AHR: variants seen among roughly 807,000 people sequenced by gnomAD.
The protein encoded by AHR is AH-receptor.
AHR carries 40 observed loss-of-function variants against 86.8 expected under a neutral mutation model. The observed-to-expected ratio is 0.46, with a 90% confidence interval of 0.36 to 0.60. AHR has a LOEUF of 0.60. AHR is among the 20% of genes least tolerant of loss of function. The pLI, the probability that AHR is intolerant of heterozygous loss-of-function variation, is 0.00. For missense variants in AHR, 1,001 were observed against 1,011.6 expected, an observed-to-expected ratio of 0.99 and a Z score of 0.14; for synonymous variants, 398 against 354.9, an observed-to-expected ratio of 1.12 and a Z score of -1.37.
rs773764371 is a variant in AHR, at chr7:17,339,146, G to A, written c.1321G>A (p.Ala441Thr). The A allele has an allele frequency of 5.0e-6, 8 of 1,614,016 alleles. No individual in the cohort carries two copies. The highest frequency in any genetic ancestry group is 5.1e-6 in the Non-Finnish European group (6 of 1,180,024). Residue 441 changes from alanine to threonine, a missense_variant, in exon 10 of 11, where the codon GCT (alanine) becomes ACT (threonine). Coordinates refer to ENST00000242057, the MANE Select transcript of AHR (RefSeq NM_001621.5). ...AAATGGCACTAGTGGAAAAGACTCT[G>A]CTACCACATCCACTCTAAGCAAGGA... ...TKNGTSGKDS[A>T]TTSTLSKDSL...
At chr7:17,303,503 A>T (rs1251918667) in intron 1 of AHR, among the ~76,000 whole-genome samples, 1 of 151,866 alleles carries the variant, frequency 6.6e-6, no homozygotes, top group Non-Finnish European at 1.5e-5. Context: ...TCATCCCCAT[A>T]CTTGTGTTTT....
At chr7:17,314,909 T>G (rs1584032849) in intron 2 of AHR, among the ~76,000 whole-genome samples, 1 of 152,052 alleles carries the variant, frequency 6.6e-6, no homozygotes, top group Non-Finnish European at 1.5e-5. Flanking sequence ...GTAGGTTTGT[T>G]TGCATAACAG....
chr7:17,338,773 G>C (rs564297222), intron 9 of AHR, among the ~76,000 whole-genome samples: 1 of 152,056 alleles, frequency 6.6e-6, no homozygotes, highest in Admixed American at 6.5e-5. Flanking sequence ...AATTAACTAA[G>C]TTATTTTTTA....
chr7:17,305,835 C>T lies in AHR; in HGVS notation c.66-4101C>T, dbSNP rs1267651585. On this transcript the variant is annotated intron_variant, in intron 1 of 10. Transcript: ENST00000242057. ...AACACTGGCTACAAATGATGAACCT[C>T]ATAGACTTTTTTGATGGAGATGTTA... is the stretch of plus-strand genomic sequence containing the variant. Among the ~76,000 whole-genome samples the T allele has an allele frequency of 3.3e-5, 5 of 152,102 alleles. No individual in the cohort carries two copies. In the South Asian group the frequency reaches 1.0e-3, roughly 32 times the overall value.
At chr7:17,341,868 C>T (rs778353103) in intron 10 of AHR, among the ~76,000 whole-genome samples, 2 of 152,044 alleles carry the variant, frequency 1.3e-5, no homozygotes, top group Non-Finnish European at 2.9e-5. Flanking sequence ...GATTACACTG[C>T]TGTGTACAGT....
intron 4 of AHR, among the ~76,000 whole-genome samples, chr7:17,329,140 T>C (rs1442744427): frequency 1.3e-5 from 2 of 151,930 alleles, no homozygotes; most frequent in Non-Finnish European, 2.9e-5. Flanking sequence ...AAGTGGTAGA[T>C]TAAGACACCA....
chr7:17,312,617 T>C (rs1340392874), intron 2 of AHR, among the ~76,000 whole-genome samples: 1 of 152,206 alleles, frequency 6.6e-6, no homozygotes, highest in Non-Finnish European at 1.5e-5. Flanking sequence ...ATGTCATAGT[T>C]TAACACAGGG....
intron 9 of AHR, chr7:17,335,990 G>C (rs1051099981): frequency 1.3e-5 from 6 of 462,972 alleles, no homozygotes; most frequent in Admixed American, 8.2e-5. Flanking sequence ...CAGAGCTATA[G>C]AAAGAATAAT....
At chr7:17,340,677 T>C (rs1782412091) in intron 10 of AHR, among the ~76,000 whole-genome samples, 1 of 152,232 alleles carries the variant, frequency 6.6e-6, no homozygotes, top group Non-Finnish European at 1.5e-5. Context: ...TGTTTGAAAT[T>C]GAGTTAAACT....
chr7:17,327,915 C>A, intron 4 of AHR, 67 bp downstream of exon 4: 1 of 628,534 alleles, frequency 1.6e-6, no homozygotes, highest in Non-Finnish European at 2.2e-6. Flanking sequence ...ATTTAGGACA[C>A]AGTTGGCCAT....
At chr7:17,310,736 A>G (rs192578177) in intron 2 of AHR, among the ~76,000 whole-genome samples, 9 of 151,984 alleles carry the variant, frequency 5.9e-5, no homozygotes, top group Admixed American at 4.6e-4. Flanking sequence ...GGGTTTCACT[A>G]TATTGGCCAG....
rs541750035 is a variant in AHR, at chr7:17,315,165, G to A, written c.253+5042G>A. Among the ~76,000 whole-genome samples the A allele has an allele frequency of 4.6e-5, 7 of 151,986 alleles. No homozygotes were observed. The East Asian group carries it at 5.8e-4, about 13-fold the overall frequency. ...ATGAATAAATACAAAGAATAGTAGC[G>A]CATTCTTATTGAATGAATATACAAA... On this transcript the variant is annotated intron_variant, in intron 2 of 10. Transcript: ENST00000242057.
Position 17,339,936 on chromosome 7 carries a change from A to G in AHR, c.2111A>G (p.Asn704Ser). The G allele has an allele frequency of 1.9e-6, 3 of 1,614,186 alleles. No individual in the cohort carries two copies. Among genetic ancestry groups the G allele is most frequent in the South Asian group, 1.1e-5 (1 of 91,086 alleles). The change falls in exon 10 of 11, where the codon AAT (asparagine) becomes AGT (serine). Residue 704 changes from asparagine (N) to serine (S), a missense_variant. Coordinates refer to ENST00000242057, the MANE Select transcript of AHR (RefSeq NM_001621.5). ...MPYTQNFISC[N>S]QPVLPQHSKC... is the part of the protein sequence containing the mutation. Reference sequence around the variant, plus strand: ...TATACACAGAACTTTATTTCCTGTAATCAGCCTGTATTACCACAACATTCC... The same window carrying G: ...TATACACAGAACTTTATTTCCTGTAGTCAGCCTGTATTACCACAACATTCC...
chr7:17,326,144 A>G (rs770173692), intron 3 of AHR, among the ~76,000 whole-genome samples: 15 of 152,164 alleles, frequency 9.9e-5, no homozygotes, highest in African/African-American at 2.7e-4. Flanking sequence ...AGTTTCTTCT[A>G]TTGTAAAACT....
At chr7:17,329,878 T>C in intron 4 of AHR, 74 bp from the exon 5 acceptor site, 3 of 1,383,138 alleles carry the variant, frequency 2.2e-6, no homozygotes, top group Non-Finnish European at 2.9e-6. Context: ...CTAATCTAAA[T>C]AGGCTTTAAA....
chr7:17,325,469 C>T (rs557322571), intron 3 of AHR, among the ~76,000 whole-genome samples: 5 of 152,230 alleles, frequency 3.3e-5, no homozygotes, highest in African/African-American at 1.2e-4. Context: ...AGTGCAATGA[C>T]GGATATATAG....
At position 17,343,150 on chromosome 7, in the gene AHR, C is replaced by G; in HGVS notation, c.*86C>G. 6.7e-7 allele frequency: 1 copy of G among 1,482,750 alleles called. No homozygotes were observed. The highest frequency in any genetic ancestry group is 9.4e-7 in the Non-Finnish European group (1 of 1,068,658). 91.8% of individuals were successfully genotyped at this position (1,482,750 alleles called of 1,614,324 possible). Reference sequence around the variant, plus strand: ...AAATAAAACTGTCACTGTTGGACGTCAGCAAGTTCACATGGAGGCATTGAT... The same window carrying G: ...AAATAAAACTGTCACTGTTGGACGTGAGCAAGTTCACATGGAGGCATTGAT... On this transcript the variant is annotated 3_prime_UTR_variant, in exon 11 of 11. Coordinates refer to ENST00000242057, the MANE Select transcript of AHR (RefSeq NM_001621.5).
At chr7:17,322,864 T>C (rs986855962) in intron 3 of AHR, among the ~76,000 whole-genome samples, 1 of 152,116 alleles carries the variant, frequency 6.6e-6, no homozygotes, top group Non-Finnish European at 1.5e-5. Flanking sequence ...TATTTTTTAC[T>C]GTAATTTTTC....
intron 2 of AHR, among the ~76,000 whole-genome samples, chr7:17,315,881 G>A (rs1436427855): frequency 2.0e-5 from 3 of 151,766 alleles, no homozygotes; most frequent in African/African-American, 4.8e-5. Context: ...ACTCAAATTC[G>A]TTTATTTGCT....
Sources: gnomAD v4.1 joint callset for allele counts (sites outside exome capture counted in the v4.1 genomes callset) on GRCh38, gnomAD v4.1.1 for gene constraint, MANE v1.5 for transcripts, NCBI Gene and HGNC (gene_info 2026-07-23, HGNC 2026-07-21) for gene names.